The following SPIDR variants were observed in gnomAD, a reference collection of about 807,000 sequenced individuals.
The protein encoded by SPIDR is scaffold protein involved in DNA repair.
Under a neutral mutation model 104.6 loss-of-function variants are expected in SPIDR, and 93 were observed. The ratio of observed to expected loss-of-function variants is 0.89; its 90% CI spans 0.75 to 1.06. SPIDR has a LOEUF of 1.06. SPIDR is among the 50% of genes least tolerant of loss of function. The pLI is 0.00. For missense variants in SPIDR, 1,154 were observed against 1,111.2 expected, an observed-to-expected ratio of 1.04 and a Z score of -0.55; for synonymous variants, 431 against 416.9, an observed-to-expected ratio of 1.03 and a Z score of -0.41.
intron 8 of SPIDR, among the ~76,000 whole-genome samples, chr8:47,551,830 TCTTG>T (rs1712409115): frequency 6.6e-6 from 1 of 152,196 alleles, no homozygotes; most frequent in Non-Finnish European, 1.5e-5. Context: ...ATTTTTTTGC[TCTTG>T]CTTCTCTAGT....
At chr8:47,561,172 C>T (rs939918059) in intron 8 of SPIDR, among the ~76,000 whole-genome samples, 3 of 152,200 alleles carry the variant, frequency 2.0e-5, no homozygotes, top group Admixed American at 6.5e-5. Context: ...TAATGACTTC[C>T]TCCATGGCGC....
intron 10 of SPIDR, among the ~76,000 whole-genome samples, chr8:47,655,737 G>A (rs572791018): frequency 9.9e-5 from 15 of 151,968 alleles, no homozygotes; most frequent in Non-Finnish European, 1.9e-4. Context: ...TAATTAGATC[G>A]CATTTGTCAA....
At chr8:47,484,638 C>G (rs2154363067) in intron 8 of SPIDR, among the ~76,000 whole-genome samples, 1 of 152,228 alleles carries the variant, frequency 6.6e-6, no homozygotes, top group Non-Finnish European at 1.5e-5. Context: ...CATATAAAAG[C>G]AACAGTAAAA....
chr8:47,640,555 C>T (rs957885439), intron 10 of SPIDR, among the ~76,000 whole-genome samples: 1 of 152,142 alleles, frequency 6.6e-6, no homozygotes, highest in African/African-American at 2.4e-5. Context: ...ACTTAATGTT[C>T]TATCTTTCTA....
At chr8:47,535,577 A>C (rs577809746) in intron 8 of SPIDR, among the ~76,000 whole-genome samples, 50 of 152,322 alleles carry the variant, frequency 3.3e-4, no homozygotes, top group African/African-American at 1.2e-3. Context: ...TTTACCATTC[A>C]AAAAACAATT....
chr8:47,633,418 C>G (rs1472903909), intron 10 of SPIDR, among the ~76,000 whole-genome samples: 1 of 152,002 alleles, frequency 6.6e-6, no homozygotes, highest in Admixed American at 6.6e-5. Context: ...GGGATGGCAG[C>G]AGAAGCAACA....
At chr8:47,330,341 G>T (rs1258170031) in intron 5 of SPIDR, among the ~76,000 whole-genome samples, 1 of 152,000 alleles carries the variant, frequency 6.6e-6, no homozygotes, top group Non-Finnish European at 1.5e-5. Context: ...TGTTACAGTT[G>T]ATGAACCCGT....
At position 47,702,136 on chromosome 8, in the gene SPIDR, C is replaced by CAT. The variant is rs1168597100; in HGVS notation, c.1977+121_1977+122insAT. 4,125 of 1,025,048 alleles carry CAT rather than the reference C, an allele frequency of 4.0e-3. 21 individuals are homozygous for CAT. The highest frequency in any genetic ancestry group is 0.019 in the Admixed American group (890 of 45,750). The allele number at this position is 1,025,048 out of a possible 1,614,324, so 63.5% of individuals were successfully genotyped here. On this transcript the variant is annotated intron_variant, in intron 14 of 19. Transcript: ENST00000297423. ...ACACACACACACACACACACACACA[C>CAT]GGTGTTAGAGGTTTATTAAAGGGTA...
At chr8:47,667,825 C>T (rs1273613764) in intron 10 of SPIDR, 3 of 151,980 alleles carry the variant, frequency 2.0e-5, no homozygotes, top group African/African-American at 4.8e-5. Flanking sequence ...AGAAGATTAG[C>T]GTGGCCCCTG....
At chr8:47,360,988 CTCA>C (rs1349816611) in intron 5 of SPIDR, 1 of 983,236 alleles carries the variant, frequency 1.0e-6, no homozygotes, top group East Asian at 1.1e-4. Flanking sequence ...TTAAAAAATG[CTCA>C]TGATTTTTTA....
intron 8 of SPIDR, among the ~76,000 whole-genome samples, chr8:47,490,096 C>T (rs1428723355): frequency 6.6e-6 from 1 of 152,160 alleles, no homozygotes; most frequent in Non-Finnish European, 1.5e-5. Context: ...TTTTTGCAAT[C>T]TACTCATCTG....
chr8:47,389,417 C>T (rs2060307875), intron 5 of SPIDR, among the ~76,000 whole-genome samples: 1 of 152,078 alleles, frequency 6.6e-6, no homozygotes, highest in South Asian at 2.1e-4. Context: ...CGGCCGGGCA[C>T]GGTGGCTCAC....
intron 8 of SPIDR, among the ~76,000 whole-genome samples, chr8:47,498,909 G>T (rs976440730): frequency 1.3e-5 from 2 of 152,050 alleles, no homozygotes; most frequent in Non-Finnish European, 2.9e-5. Context: ...TTTTGATGAC[G>T]TACTGAATAA....
At chr8:47,527,191 G>A (rs773034907) in intron 8 of SPIDR, among the ~76,000 whole-genome samples, 8 of 152,098 alleles carry the variant, frequency 5.3e-5, no homozygotes, top group South Asian at 2.1e-4. Context: ...ACAGTATACC[G>A]GAGCATTCAG....
chr8:47,528,599 A>T (rs1040361523), intron 8 of SPIDR, among the ~76,000 whole-genome samples: 2 of 152,264 alleles, frequency 1.3e-5, no homozygotes, highest in East Asian at 3.9e-4. Context: ...AGAGAAATGG[A>T]AACCTTAGGA....
intron 7 of SPIDR, among the ~76,000 whole-genome samples, chr8:47,429,134 C>T (rs1462198781): frequency 6.6e-6 from 1 of 152,118 alleles, no homozygotes; most frequent in Non-Finnish European, 1.5e-5. Flanking sequence ...TCATAATTTC[C>T]AGTGACCATT....
At chr8:47,361,310 C>G (rs1323599412) in intron 5 of SPIDR, among the ~76,000 whole-genome samples, 1 of 152,214 alleles carries the variant, frequency 6.6e-6, no homozygotes, top group Non-Finnish European at 1.5e-5. Flanking sequence ...TTCCATCCAT[C>G]TGACCATTGG....
At chr8:47,734,464 A>T (rs2085836350) in intron 19 of SPIDR, among the ~76,000 whole-genome samples, 1 of 152,130 alleles carries the variant, frequency 6.6e-6, no homozygotes, top group African/African-American at 2.4e-5. Context: ...TGGCCATGAC[A>T]CCATAACGAT....
intron 10 of SPIDR, among the ~76,000 whole-genome samples, chr8:47,626,443 G>T (rs1413586892): frequency 6.6e-6 from 1 of 152,148 alleles, no homozygotes; most frequent in Non-Finnish European, 1.5e-5. Context: ...CCATCAGAGT[G>T]AACAGGCAAC....
Sources: gnomAD v4.1 joint callset for allele counts (sites outside exome capture counted in the v4.1 genomes callset) on GRCh38, gnomAD v4.1.1 for gene constraint, MANE v1.5 for transcripts, NCBI Gene and HGNC (gene_info 2026-07-23, HGNC 2026-07-21) for gene names.